PKHD1L1: variants seen among roughly 807,000 people sequenced by gnomAD.
The protein encoded by PKHD1L1 is PKHD1 like 1.
In PKHD1L1, 434 loss-of-function variants were observed where a neutral mutation model predicts 462.9. The observed-to-expected ratio is 0.94, with a 90% CI of 0.87 to 1.02. PKHD1L1 has a LOEUF of 1.02. PKHD1L1 is among the 50% of genes least tolerant of loss of function. PKHD1L1 has a pLI of 0.00. For synonymous variants in PKHD1L1, 1,781 were observed against 1,750.0 expected (o/e 1.02, Z -0.44); for missense variants, 5,202 against 5,096.1 (o/e 1.02, Z -0.63).
At chr8:109,442,830 A>G in intron 35 of PKHD1L1, 116 bp from the exon 36 acceptor site, 1 of 976,266 alleles carries the variant, frequency 1.0e-6, no homozygotes, top group African/African-American at 1.6e-5. Flanking sequence ...CACATGAAAA[A>G]TAAGAAACTG....
At chr8:109,495,795 C>T (rs1819051081) in intron 63 of PKHD1L1, among the ~76,000 whole-genome samples, 1 of 152,046 alleles carries the variant, frequency 6.6e-6, no homozygotes, top group Non-Finnish European at 1.5e-5. Context: ...AACAGGAGAG[C>T]TGGTATTAAG....
At chr8:109,445,827 A>G (rs1214525732) in intron 38 of PKHD1L1, among the ~76,000 whole-genome samples, 182 bp downstream of exon 38, 2 of 152,208 alleles carry the variant, frequency 1.3e-5, no homozygotes, top group Non-Finnish European at 1.5e-5. Context: ...TCACACATTT[A>G]TGGGATAACA....
intron 19 of PKHD1L1, among the ~76,000 whole-genome samples, chr8:109,410,869 C>T (rs1420894030): frequency 6.6e-6 from 1 of 151,454 alleles, no homozygotes. Context: ...GCTTGGACTA[C>T]AGGCTTGCGC....
chr8:109,369,139 C>T (rs368058712), intron 2 of PKHD1L1, among the ~76,000 whole-genome samples: 7 of 152,042 alleles, frequency 4.6e-5, no homozygotes, highest in African/African-American at 1.7e-4. Context: ...CCACTACCCC[C>T]GGCTAATTTT....
At chr8:109,400,039 T>G in intron 12 of PKHD1L1, 37 bp from the exon 13 acceptor site, 6 of 1,567,450 alleles carry the variant, frequency 3.8e-6, no homozygotes, top group Non-Finnish European at 3.5e-6. Context: ...TGCATTATGA[T>G]CCTGATGAAA....
At chr8:109,433,054 C>T in intron 27 of PKHD1L1, 52 bp from the exon 28 acceptor site, 1 of 1,256,224 alleles carries the variant, frequency 8.0e-7, no homozygotes, top group South Asian at 1.3e-5. Context: ...TTCATAACAA[C>T]AGGTTTTATT....
Position 109,507,827 on chromosome 8 carries a change from T to C in PKHD1L1, c.11159T>C (p.Ile3720Thr), listed in dbSNP as rs747308860. The C allele has an allele frequency of 4.3e-6, 7 of 1,613,562 alleles. No homozygotes were observed. The highest frequency in any genetic ancestry group is 5.9e-6 in the Non-Finnish European group (7 of 1,179,676). Residue 3720 changes from isoleucine (I) to threonine (T), a missense_variant, in exon 69 of 78, where the codon ATT becomes ACT. Around this residue, in one of 3 missense-constraint regions of PKHD1L1, gnomAD observed 698 missense variants for 736.3 expected, o/e 0.95. Transcript: ENST00000378402. ...NSQVGIGDYR[I>T]PKAMLTFLNG... Reference sequence around the variant, plus strand: ...CAAGTAGGAATTGGAGACTACAGAATTCCTAAGGCGATGCTCACATTCTTG... The same window carrying C: ...CAAGTAGGAATTGGAGACTACAGAACTCCTAAGGCGATGCTCACATTCTTG...
intron 8 of PKHD1L1, 52 bp from the exon 9 acceptor site, chr8:109,390,400 G>T (rs1006728977): frequency 1.9e-6 from 2 of 1,072,178 alleles, no homozygotes; most frequent in Admixed American, 3.1e-5. Flanking sequence ...TAGAGTTATT[G>T]TTCTTCTGTG....
In PKHD1L1 at chr8:109,489,958, C is replaced by G; in HGVS notation, c.9887C>G (p.Ala3296Gly). The G allele has an allele frequency of 6.3e-7, 1 of 1,590,888 alleles. No homozygotes were observed. The change falls in exon 60 of 78, where the codon GCA (alanine) becomes GGA (glycine). Residue 3296 changes from alanine (A) to glycine (G), a missense_variant. Coordinates refer to ENST00000378402, the MANE Select transcript of PKHD1L1 (RefSeq NM_177531.6). ...AAATCTTTCCCTACCTTAGGAAATG[C>G]AAGAATAAGTAATGTGGAATTTTAT... The part of the protein sequence containing the change: ...TENMMTFKGN[A>G]RISNVEFYHS...
At chr8:109,416,644 A>G (rs1420354962) in intron 21 of PKHD1L1, among the ~76,000 whole-genome samples, 1 of 152,184 alleles carries the variant, frequency 6.6e-6, no homozygotes, top group African/African-American at 2.4e-5. Flanking sequence ...GGAGAATGCT[A>G]CCATTCCACA....
intron 73 of PKHD1L1, among the ~76,000 whole-genome samples, chr8:109,520,246 G>T (rs1820480358): frequency 6.6e-6 from 1 of 152,002 alleles, no homozygotes; most frequent in Non-Finnish European, 1.5e-5. Flanking sequence ...ACAGGCTCAG[G>T]GTTTGGACTC....
chr8:109,401,153 A>G (rs1212126078), intron 13 of PKHD1L1, among the ~76,000 whole-genome samples: 4 of 152,126 alleles, frequency 2.6e-5, no homozygotes, highest in Admixed American at 6.6e-5. Flanking sequence ...TTCTCCACAG[A>G]GCAAAAGAAT....
chr8:109,491,969 C>T lies in PKHD1L1; in HGVS notation c.10211C>T (p.Ser3404Leu), dbSNP rs1017905059. The T allele has an allele frequency of 6.4e-7, 1 of 1,571,394 alleles. No homozygotes were observed. The highest frequency in any genetic ancestry group is 8.7e-7 in the Non-Finnish European group (1 of 1,154,724). ...TATCAGAACAGAAAAGATTTAAGTT[C>T]AACTCTCTGGCATGCAGCAATTGAG... is the stretch of plus-strand genomic sequence containing the variant. ...GTYQNRKDLS[S>L]TLWHAAIEIN... Residue 3404 changes from serine to leucine, a missense_variant, in exon 62 of 78, where the codon TCA (serine) becomes TTA (leucine). Physicochemically the swap from Ser to Leu is moderately radical, Grantham distance 145. Coordinates refer to ENST00000378402, the MANE Select transcript of PKHD1L1 (RefSeq NM_177531.6).
chr8:109,527,141 A>G, intron 77 of PKHD1L1, 121 bp downstream of exon 77: 1 of 822,690 alleles, frequency 1.2e-6, no homozygotes, highest in Non-Finnish European at 1.9e-6. Context: ...AGAAAGTAAC[A>G]GCCTCAATAG....
chr8:109,494,054 G>T (rs538363643), intron 63 of PKHD1L1, among the ~76,000 whole-genome samples: 1 of 151,820 alleles, frequency 6.6e-6, no homozygotes, highest in Non-Finnish European at 1.5e-5. Flanking sequence ...TTAAAAAAAC[G>T]GCACTTATTA....
At chr8:109,486,617 T>C in intron 58 of PKHD1L1, 31 bp from the exon 59 acceptor site, 1 of 1,595,918 alleles carries the variant, frequency 6.3e-7, no homozygotes, top group Non-Finnish European at 8.5e-7. Flanking sequence ...TTCTCAGCAT[T>C]GGCAATAATC....
intron 43 of PKHD1L1, among the ~76,000 whole-genome samples, 179 bp downstream of exon 43, chr8:109,453,053 T>C (rs907160736): frequency 2.6e-5 from 4 of 152,196 alleles, no homozygotes; most frequent in Admixed American, 1.3e-4. Flanking sequence ...TATTATTTAA[T>C]GTGTTGCAGC....
chr8:109,476,399 A>C, intron 51 of PKHD1L1, 109 bp from the exon 52 acceptor site: 1 of 781,268 alleles, frequency 1.3e-6, no homozygotes, highest in Non-Finnish European at 1.9e-6. Flanking sequence ...CTAAAGCCAA[A>C]ACTTTTAAAT....
At position 109,479,568 on chromosome 8, in the gene PKHD1L1, CT is replaced by C; in HGVS notation, c.9112del (p.Trp3038GlyfsTer18). 6.6e-7 allele frequency: 1 copy of C among 1,520,240 alleles called. No individual in the cohort carries two copies. Among genetic ancestry groups the C allele is most frequent in the Non-Finnish European group, 9.0e-7 (1 of 1,105,586 alleles). The allele number at this position is 1,520,240 out of a possible 1,614,324, so 94.2% of individuals were successfully genotyped here. On this transcript the variant is annotated frameshift_variant, in exon 54 of 78. Transcript: ENST00000378402. LOFTEE classifies it high-confidence loss of function. ...CTTTTCAGTTTATGGTCAAATGATT[CT>C]TTTTGGCAATCATCACGAGAAAATA... ...PATYNLWSND[S>X]FWQSSRENNY...
Sources: allele counts gnomAD v4.1 joint callset (sites outside exome capture counted in the v4.1 genomes callset), GRCh38; gene constraint gnomAD v4.1.1; regional missense constraint gnomAD v4.1.1; transcripts MANE v1.5; gene names NCBI Gene and HGNC (gene_info 2026-07-23, HGNC 2026-07-21).